KIAA1549L: variants seen among roughly 807,000 people sequenced by gnomAD.
The protein encoded by KIAA1549L is UPF0606 protein KIAA1549L.
Under a neutral mutation model 160.7 loss-of-function variants are expected in KIAA1549L, and 88 were observed. The observed-to-expected ratio is 0.55, with a 90% confidence interval of 0.46 to 0.65. The LOEUF is 0.65. Among genes scored for constraint, KIAA1549L ranks in the 30% least tolerant of loss-of-function variants. The probability of loss-of-function intolerance (pLI) is 0.00; values close to 1 mark genes in which losing one functional copy is unlikely to be tolerated. For synonymous variants in KIAA1549L, 950 were observed against 976.7 expected (o/e 0.97, Z 0.51); for missense variants, 2,258 against 2,437.5 (o/e 0.93, Z 1.55).
intron 9 of KIAA1549L, among the ~76,000 whole-genome samples, chr11:33,573,073 TC>T (rs1565192458): frequency 6.6e-6 from 1 of 152,234 alleles, no homozygotes; most frequent in African/African-American, 2.4e-5. Flanking sequence ...TCAGACATCT[TC>T]CTTTGTGAAG....
intron 1 of KIAA1549L, among the ~76,000 whole-genome samples, chr11:33,402,613 A>G (rs1850525822): frequency 1.3e-5 from 2 of 152,196 alleles, no homozygotes; most frequent in African/African-American, 2.4e-5. Context: ...TTTAAAAACA[A>G]TTCCCTTTGG....
rs187638611 is a variant in KIAA1549L, at chr11:33,505,241, C to A, written c.239-36561C>A. ...GAAGAATTTCCAAAGAGCTAAACAA[C>A]CCAGACTCTCTGAAGGGAATCTTAA... On this transcript the variant is annotated intron_variant, in intron 1 of 20. Coordinates refer to ENST00000658780, the MANE Select transcript of KIAA1549L (RefSeq NM_012194.3). Among the ~76,000 whole-genome samples, 335 of 152,314 alleles carry A rather than the reference C, an allele frequency of 2.2e-3. 2 individuals carry two copies. The highest frequency in any genetic ancestry group is 7.6e-3 in the African/African-American group (317 of 41,564).
At chr11:33,394,426 CAAT>C (rs1473808575) in intron 1 of KIAA1549L, among the ~76,000 whole-genome samples, 1 of 26,180 alleles carries the variant, frequency 3.8e-5, no homozygotes, top group Non-Finnish European at 1.3e-4. Context: ...AATAAACAAA[CAAT>C]AAACAATAAA....
At chr11:33,624,732 CTT>C (rs935570970) in intron 16 of KIAA1549L, among the ~76,000 whole-genome samples, 3 of 127,062 alleles carry the variant, frequency 2.4e-5, no homozygotes, top group African/African-American at 2.9e-5. Flanking sequence ...AAGAGATTTT[CTT>C]TTTTTTTTTT....
intron 1 of KIAA1549L, among the ~76,000 whole-genome samples, chr11:33,399,986 T>C (rs1229398048): frequency 6.6e-6 from 1 of 152,204 alleles, no homozygotes; most frequent in Non-Finnish European, 1.5e-5. Context: ...TGCTAGGAAA[T>C]CGACTTTTAA....
rs762916573 is a variant in KIAA1549L, at chr11:33,545,071, A to G, written c.3078A>G (p.Gln1026=). ...GHTTSTHTAM[Q]GNMDTASGLL... ...CCACGAGCACACATACAGCCATGCA[A>G]GGAAACATGGACACTGCCTCTGGCC... Residue 1026 remains glutamine, a synonymous_variant, in exon 3 of 21, where the codon CAA becomes CAG. Coordinates refer to ENST00000658780, the MANE Select transcript of KIAA1549L (RefSeq NM_012194.3). 1.2e-6 allele frequency: 2 copies of G among 1,614,020 alleles called. No individual in the cohort carries two copies. Among genetic ancestry groups the G allele is most frequent in the Admixed American group, 3.3e-5 (2 of 60,028 alleles).
At chr11:33,552,754 T>C (rs753199352) in intron 6 of KIAA1549L, among the ~76,000 whole-genome samples, 1 of 151,624 alleles carries the variant, frequency 6.6e-6, no homozygotes, top group African/African-American at 2.4e-5. Flanking sequence ...GTGCTAAGTG[T>C]TTTACAAATA....
chr11:33,557,250 A>G (rs755839805), intron 6 of KIAA1549L, among the ~76,000 whole-genome samples: 71 of 152,200 alleles, frequency 4.7e-4, no homozygotes, highest in Non-Finnish European at 9.0e-4. Flanking sequence ...TGGCTTCCCA[A>G]AGTGCTGGGA....
chr11:33,414,240 C>T lies in KIAA1549L; in HGVS notation c.238+37351C>T, dbSNP rs183784671. On this transcript the variant is annotated intron_variant, in intron 1 of 20. Coordinates refer to ENST00000658780, the MANE Select transcript of KIAA1549L (RefSeq NM_012194.3). ...ATCCCTAAGTGCCTTCAGAATCATA[C>T]GAAAATTAAGCTATGTGCAGTATGG... Among the ~76,000 whole-genome samples the T allele has an allele frequency of 4.4e-4, 67 of 152,216 alleles. 1 individual carries two copies. The South Asian group carries it at 0.011, about 25-fold the overall frequency.
At chr11:33,647,120 C>T (rs572233611) in intron 17 of KIAA1549L, among the ~76,000 whole-genome samples, 5 of 152,264 alleles carry the variant, frequency 3.3e-5, no homozygotes, top group East Asian at 1.9e-4. Flanking sequence ...CATGGTGGCT[C>T]ACACCTATAA....
At chr11:33,461,240 A>G (rs531672624) in intron 1 of KIAA1549L, among the ~76,000 whole-genome samples, 1 of 152,250 alleles carries the variant, frequency 6.6e-6, no homozygotes, top group South Asian at 2.1e-4. Flanking sequence ...GCAATTTGAT[A>G]GGCTGGCGTA....
At chr11:33,397,169 A>T (rs186529250) in intron 1 of KIAA1549L, among the ~76,000 whole-genome samples, 130 of 146,188 alleles carry the variant, frequency 8.9e-4, no homozygotes, top group African/African-American at 3.0e-3. Flanking sequence ...CGTCTCTACT[A>T]AAAAAAATAC....
At chr11:33,565,953 C>T (rs1420625892) in intron 8 of KIAA1549L, among the ~76,000 whole-genome samples, 1 of 152,112 alleles carries the variant, frequency 6.6e-6, no homozygotes, top group Admixed American at 6.5e-5. Flanking sequence ...GTCGGGGCTG[C>T]AGAGTCGTGA....
intron 16 of KIAA1549L, among the ~76,000 whole-genome samples, chr11:33,625,943 G>A (rs1851099631): frequency 1.3e-5 from 2 of 149,230 alleles, no homozygotes; most frequent in South Asian, 2.1e-4. Flanking sequence ...TGTATAAGGT[G>A]TAAGGAAGGG....
At chr11:33,453,332 G>A (rs1462566267) in intron 1 of KIAA1549L, among the ~76,000 whole-genome samples, 21 of 152,184 alleles carry the variant, frequency 1.4e-4, no homozygotes, top group Admixed American at 6.5e-5. Flanking sequence ...ACTAGGGTAG[G>A]GAATGGAGGG....
intron 1 of KIAA1549L, among the ~76,000 whole-genome samples, chr11:33,415,556 T>C (rs1850871475): frequency 6.6e-6 from 1 of 152,174 alleles, no homozygotes; most frequent in African/African-American, 2.4e-5. Flanking sequence ...ACACTGCTCC[T>C]TCTGGTTCTG....
chr11:33,557,063 C>G (rs184790170), intron 6 of KIAA1549L, among the ~76,000 whole-genome samples: 6 of 152,276 alleles, frequency 3.9e-5, no homozygotes, highest in Non-Finnish European at 7.4e-5. Flanking sequence ...TCATGGCTCA[C>G]TGCAGCCTCG....
intron 10 of KIAA1549L, among the ~76,000 whole-genome samples, chr11:33,582,703 G>C (rs548084762): frequency 2.3e-3 from 352 of 152,256 alleles, no homozygotes; most frequent in Non-Finnish European, 4.1e-3. Flanking sequence ...CTTGCCCTGA[G>C]ACACCTACTG....
At chr11:33,471,962 G>A (rs1255903341) in intron 1 of KIAA1549L, among the ~76,000 whole-genome samples, 4 of 152,206 alleles carry the variant, frequency 2.6e-5, no homozygotes, top group Non-Finnish European at 5.9e-5. Context: ...TAAAAAGGCT[G>A]GAGTTGGGCT....
Sources: allele counts gnomAD v4.1 joint callset (sites outside exome capture counted in the v4.1 genomes callset), GRCh38; gene constraint gnomAD v4.1.1; transcripts MANE v1.5; gene names NCBI Gene and HGNC (gene_info 2026-07-23, HGNC 2026-07-21).